FOXK1: variants seen among roughly 807,000 people sequenced by gnomAD.
The protein encoded by FOXK1 is forkhead box K1, also known as forkhead box protein K1.
FOXK1 carries 19 observed loss-of-function variants against 51.9 expected under a neutral mutation model. The observed-to-expected ratio is 0.37, with a 90% CI of 0.26 to 0.54. The LOEUF (loss-of-function observed/expected upper bound fraction) is 0.54, where lower values mean the gene tolerates loss of function less well. FOXK1 is among the 20% of genes least tolerant of loss of function. The pLI is 0.87. For synonymous variants in FOXK1, 537 were observed against 482.6 expected (o/e 1.11, Z -1.48); for missense variants, 870 against 1,032.7 (o/e 0.84, Z 2.16).
rs147022515 is a variant in FOXK1, at chr7:4,744,135, A to G, written c.746+3112A>G. On this transcript the variant is annotated intron_variant, in intron 2 of 8. Transcript: ENST00000328914. ...CTCCGGGAGGGGGCTTAAAAAAATA[A>G]AACTATTTCCCAGTGTTAATCCAAA... Among the ~76,000 whole-genome samples the G allele has an allele frequency of 1.9e-3, 295 of 152,314 alleles. 3 individuals carry two copies. The highest frequency in any genetic ancestry group is 6.8e-3 in the African/African-American group (281 of 41,550).
chr7:4,768,116 G>A lies in FOXK1; in HGVS notation c.*5652G>A, dbSNP rs1157988836. ...ATTTTAAAAACAGACCCATTTCACT[G>A]ACTTCTTTTTTTTTTTTTTTTTTTT... On this transcript the variant is annotated 3_prime_UTR_variant, in exon 9 of 9. Coordinates refer to ENST00000328914, the MANE Select transcript of FOXK1 (RefSeq NM_001037165.2). 7.8e-6 allele frequency: 1 copy of A among 128,738 alleles called. No individual in the cohort carries two copies. Among genetic ancestry groups the A allele is most frequent in the African/African-American group, 3.2e-5 (1 of 31,732 alleles). 8.0% of individuals were successfully genotyped at this position (128,738 alleles called of 1,614,324 possible). A position where few individuals can be genotyped will look rare whatever the true frequency, so the allele number is the denominator to read the frequency against.
At position 4,682,998 on chromosome 7, in the gene FOXK1, T is replaced by G. The variant is rs1583176339; in HGVS notation, c.560+130T>G. ...CCCCCACCCCCCGGCCCACCCCCGGTAACCCCCGACCGGCCTGGACTCCGG... is the reference window on the plus strand; with the variant it reads ...CCCCCACCCCCCGGCCCACCCCCGGGAACCCCCGACCGGCCTGGACTCCGG... On this transcript the variant is annotated intron_variant, in intron 1 of 8. Coordinates refer to ENST00000328914, the MANE Select transcript of FOXK1 (RefSeq NM_001037165.2). This position sits in a 1 kb window ranked among gnomAD's most constrained non-coding sequence, Gnocchi z 7.6. The G allele has an allele frequency of 1.1e-6, 1 of 887,930 alleles. No individual in the cohort carries two copies. Among genetic ancestry groups the G allele is most frequent in the Non-Finnish European group, 1.5e-6 (1 of 665,796 alleles). The allele number at this position is 887,930 out of a possible 1,614,324, so 55.0% of individuals were successfully genotyped here.
intron 1 of FOXK1, among the ~76,000 whole-genome samples, chr7:4,692,030 A>G (rs527435699): frequency 1.3e-5 from 2 of 152,316 alleles, no homozygotes; most frequent in East Asian, 1.9e-4. Flanking sequence ...TATATGAGCT[A>G]TATCTGTTGA....
chr7:4,701,910 A>C (rs1263830688), intron 1 of FOXK1, among the ~76,000 whole-genome samples: 2 of 152,036 alleles, frequency 1.3e-5, no homozygotes, highest in Non-Finnish European at 2.9e-5. Flanking sequence ...AATATAAATA[A>C]ATAAAAAGTA....
At chr7:4,721,370 A>G (rs897747794) in intron 1 of FOXK1, among the ~76,000 whole-genome samples, 9 of 152,108 alleles carry the variant, frequency 5.9e-5, no homozygotes, top group African/African-American at 1.9e-4. Flanking sequence ...GACCTTGGTG[A>G]GAAGCGACCA....
In FOXK1 at chr7:4,759,573, G is replaced by A. The variant is rs1226596399; in HGVS notation, c.1674G>A (p.Leu558=). 3.9e-6 allele frequency: 6 copies of A among 1,537,712 alleles called. No homozygotes were observed. The highest frequency in any genetic ancestry group is 2.0e-5 in the Admixed American group (1 of 51,162). The change falls in exon 7 of 9, where the codon CTG becomes CTA. Residue 558 remains leucine, a synonymous_variant. Coordinates refer to ENST00000328914, the MANE Select transcript of FOXK1 (RefSeq NM_001037165.2). ...ATGATGCGGCGGGCGCAGCCGTGCT[G>A]GACCTGGGCAGCGAGGCCAGAGGTA... The part of the protein sequence containing the change: ...GSHDAAGAAV[L]DLGSEARGLE...
At chr7:4,688,743 T>TTGGATTC (rs1446385098) in intron 1 of FOXK1, among the ~76,000 whole-genome samples, 1 of 152,142 alleles carries the variant, frequency 6.6e-6, no homozygotes, top group African/African-American at 2.4e-5. Flanking sequence ...CCTTTACAGA[T>TTGGATTC]TGGATTCTGC....
rs949233803 is a variant in FOXK1 at position 4,723,852 on chromosome 7, T to C, written c.561-16986T>C. On this transcript the variant is annotated intron_variant, in intron 1 of 8. Transcript: ENST00000328914. This position sits in a 1 kb window ranked among gnomAD's most constrained non-coding sequence, Gnocchi z 4.7. The stretch of plus-strand genomic sequence containing the variant: ...CTGGCTGACTTCTTTGTATTTTTGG[T>C]AAAGATGGGGATCTCACTATGTTGC... 2.0e-5 allele frequency among the ~76,000 whole-genome samples: 3 copies of C among 152,030 alleles called. No homozygotes were observed. The highest frequency in any genetic ancestry group is 6.5e-5 in the Admixed American group (1 of 15,268).
rs960185709 is a variant in FOXK1, at chr7:4,762,877, C to G, written c.*413C>G. 1.1e-5 allele frequency: 2 copies of G among 181,508 alleles called. No homozygotes were observed. The highest frequency in any genetic ancestry group is 4.7e-5 in the African/African-American group (2 of 42,172). 11.2% of individuals were successfully genotyped at this position (181,508 alleles called of 1,614,324 possible). A position where few individuals can be genotyped will look rare whatever the true frequency, so the allele number is the denominator to read the frequency against. ...AGACAGAAACGCAGCAAGGCACACA[C>G]CAAGGCTGCCGGGGAGGCCCGGGCA... is the stretch of plus-strand genomic sequence containing the variant. On this transcript the variant is annotated 3_prime_UTR_variant, in exon 9 of 9. Transcript: ENST00000328914. This position sits in a 1 kb window ranked among gnomAD's most constrained non-coding sequence, Gnocchi z 5.7.
chr7:4,705,580 A>C (rs1780078633), intron 1 of FOXK1, among the ~76,000 whole-genome samples: 1 of 119,220 alleles, frequency 8.4e-6, no homozygotes, highest in Admixed American at 8.7e-5. Flanking sequence ...TCTCGTCGCC[A>C]GGCTGGAGTA....
rs1780716372 is a variant in FOXK1 at position 4,747,286 on chromosome 7, G to C, written c.746+6263G>C. Reference sequence around the variant, plus strand: ...CCCTTTCCGGGTTCCATGAGCCTCAGGGGAAGCAGGAGGCGCCTGCAGACA... The same window carrying C: ...CCCTTTCCGGGTTCCATGAGCCTCACGGGAAGCAGGAGGCGCCTGCAGACA... On this transcript the variant is annotated intron_variant, in intron 2 of 8. Coordinates refer to ENST00000328914, the MANE Select transcript of FOXK1 (RefSeq NM_001037165.2). This position sits in a 1 kb window ranked among gnomAD's most constrained non-coding sequence, Gnocchi z 9.2. Among the ~76,000 whole-genome samples, 1 of 152,138 alleles carries C rather than the reference G, an allele frequency of 6.6e-6. No individual in the cohort carries two copies. Among genetic ancestry groups the C allele is most frequent in the African/African-American group, 2.4e-5 (1 of 41,444 alleles).
In FOXK1 at chr7:4,735,484, C is replaced by T. The variant is rs1004606626; in HGVS notation, c.561-5354C>T. Among the ~76,000 whole-genome samples the T allele has an allele frequency of 6.6e-6, 1 of 152,166 alleles. No individual in the cohort carries two copies. The highest frequency in any genetic ancestry group is 2.4e-5 in the African/African-American group (1 of 41,434). On this transcript the variant is annotated intron_variant, in intron 1 of 8. Coordinates refer to ENST00000328914, the MANE Select transcript of FOXK1 (RefSeq NM_001037165.2). The surrounding 1 kb of genome is among the most constrained non-coding windows in gnomAD (Gnocchi z 4.7). ...ATTTTCCTGACTCTAGAAAGAACCC[C>T]CTAGCTCTTAGTCATTCTCCGTCCC...
In FOXK1 at chr7:4,757,180, T is replaced by TC. The variant is rs1312200242; in HGVS notation, c.1239dup (p.Ser414LeufsTer39). On this transcript the variant is annotated frameshift_variant, in exon 5 of 9. Coordinates refer to ENST00000328914, the MANE Select transcript of FOXK1 (RefSeq NM_001037165.2). LOFTEE classifies it high-confidence loss of function. ...CTTCCGCACCCCCTTCGGGCCTCTG[T>TC]CCTCAAGGTAAAGTTCTCTGAGCGC... The TC allele has an allele frequency of 6.2e-7, 1 of 1,600,844 alleles. No individual in the cohort carries two copies. The highest frequency in any genetic ancestry group is 1.3e-5 in the African/African-American group (1 of 74,350).
rs1780538403 is a variant in FOXK1 at position 4,735,297 on chromosome 7, G to T, written c.561-5541G>T. Among the ~76,000 whole-genome samples, 1 of 152,192 alleles carries T rather than the reference G, an allele frequency of 6.6e-6. No homozygotes were observed. Among genetic ancestry groups the T allele is most frequent in the African/African-American group, 2.4e-5 (1 of 41,456 alleles). On this transcript the variant is annotated intron_variant, in intron 1 of 8. Transcript: ENST00000328914. The surrounding 1 kb of genome is among the most constrained non-coding windows in gnomAD (Gnocchi z 4.7). ...TGGACCTGGGAAAAACCCAGGGCTGGAGTAGACCCTCAGTGTGGGAGCTTT... is the reference window on the plus strand; with the variant it reads ...TGGACCTGGGAAAAACCCAGGGCTGTAGTAGACCCTCAGTGTGGGAGCTTT...
chr7:4,711,246 G>A lies in FOXK1; in HGVS notation c.560+28378G>A, dbSNP rs902474082. Among the ~76,000 whole-genome samples, 1 of 152,154 alleles carries A rather than the reference G, an allele frequency of 6.6e-6. No homozygotes were observed. ...TGTGCCCTCCTGGGTCCCGACACCT[G>A]GGGGTGTTTTCACAGGGTGGGAAGG... is the stretch of plus-strand genomic sequence containing the variant. On this transcript the variant is annotated intron_variant, in intron 1 of 8. Transcript: ENST00000328914. The surrounding 1 kb of genome is among the most constrained non-coding windows in gnomAD (Gnocchi z 6.3).
At chr7:4,705,290 C>A (rs1391777574) in intron 1 of FOXK1, among the ~76,000 whole-genome samples, 1 of 151,356 alleles carries the variant, frequency 6.6e-6, no homozygotes, top group Non-Finnish European at 1.5e-5. Context: ...TGGGCTCAAG[C>A]CATCTTCCCA....
At chr7:4,685,525 CTT>C (rs79117434) in intron 1 of FOXK1, among the ~76,000 whole-genome samples, 63 of 134,822 alleles carry the variant, frequency 4.7e-4, no homozygotes, top group Admixed American at 6.8e-4. Context: ...CCCGGCCTCA[CTT>C]TTTTTTTTTT....
At chr7:4,737,679 G>T (rs1268609135) in intron 1 of FOXK1, among the ~76,000 whole-genome samples, 1 of 152,140 alleles carries the variant, frequency 6.6e-6, no homozygotes, top group Non-Finnish European at 1.5e-5. Context: ...CCAGATGCTG[G>T]CCCCAAACCT....
At chr7:4,740,700 A>C in intron 1 of FOXK1, 138 bp from the exon 2 acceptor site, 1 of 771,532 alleles carries the variant, frequency 1.3e-6, no homozygotes, top group Non-Finnish European at 2.1e-6. Context: ...TGATAAAAGC[A>C]TCGAAACTGC....
Sources: gnomAD v4.1 joint callset for allele counts (sites outside exome capture counted in the v4.1 genomes callset) on GRCh38, gnomAD v4.1.1 for gene constraint, Gnocchi (gnomAD v3.1) non-coding constraint, MANE v1.5 for transcripts, NCBI Gene and HGNC (gene_info 2026-07-23, HGNC 2026-07-21) for gene names.